Variants in TMX4 observed in about 807,000 individuals in gnomAD.
TMX4 encodes thioredoxin-related transmembrane protein 4.
In TMX4, 23 loss-of-function variants were observed where a neutral mutation model predicts 33.3. The ratio of observed to expected loss-of-function variants is 0.69; its 90% CI spans 0.50 to 0.98. The LOEUF (loss-of-function observed/expected upper bound fraction) is 0.98, where lower values mean the gene tolerates loss of function less well. Ranked by LOEUF, TMX4 falls within the 50% of genes least tolerant of loss-of-function variation. The pLI, the probability that TMX4 is intolerant of heterozygous loss-of-function variation, is 0.00. For synonymous variants in TMX4, 164 were observed against 161.5 expected, an observed-to-expected ratio of 1.02 and a Z score of -0.12; for missense variants, 399 against 448.9, an observed-to-expected ratio of 0.89 and a Z score of 1.01.
intron 1 of TMX4, among the ~76,000 whole-genome samples, chr20:8,012,310 GA>G (rs1469993078): frequency 6.6e-6 from 1 of 152,116 alleles, no homozygotes; most frequent in Non-Finnish European, 1.5e-5. Flanking sequence ...GAGATCAGAT[GA>G]AATACGAAGC....
rs532198900 is a variant in TMX4, at chr20:7,991,416, T to A, written c.514-4027A>T. On this transcript the variant is annotated intron_variant, in intron 5 of 7. Transcript: ENST00000246024. Reference sequence around the variant, plus strand: ...CCAAATGCTTGGGACCAGACAGCCTTCAGATTTCTGATTTTTTCAGATTTT... The same window carrying A: ...CCAAATGCTTGGGACCAGACAGCCTACAGATTTCTGATTTTTTCAGATTTT... Among the ~76,000 whole-genome samples the A allele has an allele frequency of 3.0e-3, 464 of 152,328 alleles. 1 individual carries two copies. The highest frequency in any genetic ancestry group is 4.8e-3 in the Non-Finnish European group (327 of 68,036).
Position 7,980,138 on chromosome 20 carries a change from C to A in TMX4, c.*2113G>T, listed in dbSNP as rs2050598850. The A allele has an allele frequency of 6.6e-6, 1 of 152,126 alleles. No homozygotes were observed. The highest frequency in any genetic ancestry group is 1.9e-4 in the East Asian group (1 of 5,198). 9.4% of individuals were successfully genotyped at this position (152,126 alleles called of 1,614,324 possible). A position where few individuals can be genotyped will look rare whatever the true frequency, so the allele number is the denominator to read the frequency against. ...GTTGGAACGGAATGTTCAACCTGTA[C>A]TATTTGGGGTCCGGTTGGAAATTGG... is the stretch of plus-strand genomic sequence containing the variant. On this transcript the variant is annotated 3_prime_UTR_variant, in exon 8 of 8. Transcript: ENST00000246024.
chr20:8,017,864 T>A (rs2050782742), intron 1 of TMX4, among the ~76,000 whole-genome samples: 1 of 152,184 alleles, frequency 6.6e-6, no homozygotes, highest in Non-Finnish European at 1.5e-5. Flanking sequence ...AATAGTTAAG[T>A]GGAATATTTT....
chr20:7,999,644 A>C lies in TMX4; in HGVS notation c.467+88T>G, dbSNP rs897656421. The C allele has an allele frequency of 2.8e-6, 4 of 1,440,218 alleles. No homozygotes were observed. The East Asian group carries it at 9.5e-5, about 34-fold the overall frequency. The allele number at this position is 1,440,218 out of a possible 1,614,324, so 89.2% of individuals were successfully genotyped here. A position where few individuals can be genotyped will look rare whatever the true frequency, so the allele number is the denominator to read the frequency against. On this transcript the variant is annotated intron_variant, in intron 4 of 7. Coordinates refer to ENST00000246024, the MANE Select transcript of TMX4 (RefSeq NM_021156.4). ...GGGTAATTGGAAGTAAATGTGAAGT[A>C]AAACATAGGCTTTTTTGAGACCCAC...
Position 7,980,475 on chromosome 20 carries a change from T to C in TMX4, c.*1776A>G, listed in dbSNP as rs1260421150. Reference sequence around the variant, plus strand: ...TGCCACCATCAGAACCATGGCACTTTGGGTGAAGGTGTGTCAGCGACCAAG... The same window carrying C: ...TGCCACCATCAGAACCATGGCACTTCGGGTGAAGGTGTGTCAGCGACCAAG... On this transcript the variant is annotated 3_prime_UTR_variant, in exon 8 of 8. Transcript: ENST00000246024. 6.6e-6 allele frequency: 1 copy of C among 152,242 alleles called. No individual in the cohort carries two copies. Among genetic ancestry groups the C allele is most frequent in the African/African-American group, 2.4e-5 (1 of 41,388 alleles). The allele number at this position is 152,242 out of a possible 1,614,324, so 9.4% of individuals were successfully genotyped here. A position where few individuals can be genotyped will look rare whatever the true frequency, so the allele number is the denominator to read the frequency against.
chr20:8,019,334 G>T, intron 1 of TMX4, 104 bp downstream of exon 1: 1 of 1,339,866 alleles, frequency 7.5e-7, no homozygotes, highest in Non-Finnish European at 9.9e-7. Context: ...GGGGTTTTAG[G>T]TTGAGCCCAA....
At position 7,982,313 on chromosome 20, in the gene TMX4, T is replaced by C. The variant is rs1352771813; in HGVS notation, c.988A>G (p.Thr330Ala). ...CTCAAGGAGTCTTCCACCACCTCTG[T>C]GTCAGCTGGGCAGGGTTGCTCAGAG... ...GISEQPCPADTEVVEDSLRQR... is the reference protein window; with the variant it reads ...GISEQPCPADAEVVEDSLRQR... The change falls in exon 8 of 8, where the codon ACA becomes GCA. Residue 330 changes from threonine (T) to alanine (A), a missense_variant. Coordinates refer to ENST00000246024, the MANE Select transcript of TMX4 (RefSeq NM_021156.4). 1.2e-6 allele frequency: 2 copies of C among 1,614,022 alleles called. No homozygotes were observed. The highest frequency in any genetic ancestry group is 1.7e-6 in the Non-Finnish European group (2 of 1,180,032).
intron 6 of TMX4, among the ~76,000 whole-genome samples, chr20:7,984,500 A>G (rs958679523): frequency 2.6e-5 from 4 of 152,150 alleles, no homozygotes; most frequent in African/African-American, 9.7e-5. Flanking sequence ...CATTAAATCA[A>G]TTTGAACAAC....
At position 8,010,241 on chromosome 20, in the gene TMX4, A is replaced by C; in HGVS notation, c.251T>G (p.Leu84Arg). The part of the protein sequence containing the change: ...WEAFAKNGEI[L>R]QISVGKVDVI... Reference sequence around the variant, plus strand: ...ATCTACCTTCCCCACACTGATCTGAAGTATTTCACCATTCTTTGCAAAAGC... The same window carrying C: ...ATCTACCTTCCCCACACTGATCTGACGTATTTCACCATTCTTTGCAAAAGC... The change falls in exon 2 of 8, where the codon CTT becomes CGT. Residue 84 changes from leucine (L) to arginine (R), a missense_variant. Transcript: ENST00000246024. 6.2e-7 allele frequency: 1 copy of C among 1,612,224 alleles called. No homozygotes were observed. Among genetic ancestry groups the C allele is most frequent in the South Asian group, 1.1e-5 (1 of 90,994 alleles).
intron 2 of TMX4, among the ~76,000 whole-genome samples, chr20:8,008,883 G>T (rs1460067253): frequency 1.3e-5 from 2 of 152,144 alleles, no homozygotes; most frequent in East Asian, 3.8e-4. Flanking sequence ...AAAGATAGAG[G>T]AATGAGGATT....
At chr20:7,997,723 G>A (rs1348698921) in intron 4 of TMX4, among the ~76,000 whole-genome samples, 3 of 152,182 alleles carry the variant, frequency 2.0e-5, no homozygotes, top group Non-Finnish European at 4.4e-5. Context: ...CTCTCATGGC[G>A]ACTGGCCAAA....
chr20:8,002,958 T>C (rs1208009429), intron 2 of TMX4, among the ~76,000 whole-genome samples: 1 of 152,164 alleles, frequency 6.6e-6, no homozygotes, highest in African/African-American at 2.4e-5. Context: ...AAAAAAGTTT[T>C]GTCACCAGTA....
Position 7,980,397 on chromosome 20 carries a change from G to A in TMX4, c.*1854C>T, listed in dbSNP as rs2050600051. On this transcript the variant is annotated 3_prime_UTR_variant, in exon 8 of 8. Coordinates refer to ENST00000246024, the MANE Select transcript of TMX4 (RefSeq NM_021156.4). Reference sequence around the variant, plus strand: ...AAATCCAGTGACACGAGGGCAGGCAGGCCCCGCTCTGCTCTGATCGAGAAA... The same window carrying A: ...AAATCCAGTGACACGAGGGCAGGCAAGCCCCGCTCTGCTCTGATCGAGAAA... The A allele has an allele frequency of 6.6e-6, 1 of 152,184 alleles. No individual in the cohort carries two copies. The highest frequency in any genetic ancestry group is 6.5e-5 in the Admixed American group (1 of 15,274). The allele number at this position is 152,184 out of a possible 1,614,324, so 9.4% of individuals were successfully genotyped here.
At chr20:8,016,267 G>C (rs1029973193) in intron 1 of TMX4, among the ~76,000 whole-genome samples, 2 of 152,138 alleles carry the variant, frequency 1.3e-5, no homozygotes, top group African/African-American at 4.8e-5. Flanking sequence ...AGCTACTTGG[G>C]AGGCTGAGGC....
chr20:7,980,590 G>A lies in TMX4; in HGVS notation c.*1661C>T, dbSNP rs1290053577. Reference sequence around the variant, plus strand: ...AGCCCATCAGCCCAGTGATGGCCTCGATTTTGAAGCTGCACTACTGTCTGA... The same window carrying A: ...AGCCCATCAGCCCAGTGATGGCCTCAATTTTGAAGCTGCACTACTGTCTGA... On this transcript the variant is annotated 3_prime_UTR_variant, in exon 8 of 8. Coordinates refer to ENST00000246024, the MANE Select transcript of TMX4 (RefSeq NM_021156.4). 2 of 152,284 alleles carry A rather than the reference G, an allele frequency of 1.3e-5. No individual in the cohort carries two copies. Among genetic ancestry groups the A allele is most frequent in the Non-Finnish European group, 2.9e-5 (2 of 68,104 alleles). The allele number at this position is 152,284 out of a possible 1,614,324, so 9.4% of individuals were successfully genotyped here.
chr20:7,988,954 C>G (rs192295308), intron 5 of TMX4, among the ~76,000 whole-genome samples: 1 of 151,040 alleles, frequency 6.6e-6, no homozygotes, highest in East Asian at 1.9e-4. Context: ...ACCCCGGAGG[C>G]AGAGGGAGTG....
At chr20:8,005,678 C>G (rs1320288378) in intron 2 of TMX4, among the ~76,000 whole-genome samples, 1 of 152,096 alleles carries the variant, frequency 6.6e-6, no homozygotes, top group African/African-American at 2.4e-5. Context: ...AGGAAGACAT[C>G]GGCAGAAGAA....
At position 8,011,076 on chromosome 20, in the gene TMX4, G is replaced by A. The variant is rs531169450; in HGVS notation, c.177-761C>T. Among the ~76,000 whole-genome samples, 28 of 152,090 alleles carry A rather than the reference G, an allele frequency of 1.8e-4. No individual in the cohort carries two copies. In the South Asian group the frequency reaches 2.7e-3, roughly 15 times the overall value. ...AACATCATATTATTCTTATTTTTGCGTCTGTTTAAAATTTTTCATAATAAA... is the reference window on the plus strand; with the variant it reads ...AACATCATATTATTCTTATTTTTGCATCTGTTTAAAATTTTTCATAATAAA... On this transcript the variant is annotated intron_variant, in intron 1 of 7. Coordinates refer to ENST00000246024, the MANE Select transcript of TMX4 (RefSeq NM_021156.4).
chr20:8,007,766 G>C (rs1174100714), intron 2 of TMX4, among the ~76,000 whole-genome samples: 1 of 152,078 alleles, frequency 6.6e-6, no homozygotes, highest in Non-Finnish European at 1.5e-5. Context: ...CAAGACCTCT[G>C]GCTAAACAGG....
Sources: allele counts gnomAD v4.1 joint callset (sites outside exome capture counted in the v4.1 genomes callset), GRCh38; gene constraint gnomAD v4.1.1; transcripts MANE v1.5; gene names NCBI Gene and HGNC (gene_info 2026-07-23, HGNC 2026-07-21).